The following P2RY8 variants were observed in gnomAD, a reference collection of about 807,000 sequenced individuals.
P2RY8 encodes the protein P2Y receptor family member 8, also known as S-geranylgeranyl-glutathione receptor P2RY8.
In P2RY8, 6 loss-of-function variants were observed where a neutral mutation model predicts 10.0. That is an observed-to-expected ratio of 0.60 (90% CI 0.33 to 1.19). P2RY8 has a LOEUF of 1.19. Among genes scored for constraint, P2RY8 ranks in the 50% most tolerant of loss-of-function variants. P2RY8 has a pLI of 0.04. For missense variants in P2RY8, 456 were observed against 542.0 expected, an observed-to-expected ratio of 0.84 and a Z score of 1.58; for synonymous variants, 276 against 252.5, an observed-to-expected ratio of 1.09 and a Z score of -0.88.
At chrX:1,468,396 G>C (rs2091722727) in intron 1 of P2RY8, among the ~76,000 whole-genome samples, 2 of 152,214 alleles carry the variant, frequency 1.3e-5, no homozygotes, top group Non-Finnish European at 2.9e-5. Context: ...TTGGCAGCCA[G>C]ATCTGTTGCC....
chrX:1,516,553 A>G (rs1405745250), intron 1 of P2RY8, among the ~76,000 whole-genome samples: 1 of 150,116 alleles, frequency 6.7e-6, no homozygotes, highest in African/African-American at 2.5e-5. Flanking sequence ...AGACACACAC[A>G]GAGGGATGAT....
chrX:1,506,682 CTTT>C (rs765827943), intron 1 of P2RY8, among the ~76,000 whole-genome samples: 1 of 145,108 alleles, frequency 6.9e-6, no homozygotes. Context: ...TTCTTTCTTT[CTTT>C]TTTTTTTTTT....
rs781025216 is a variant in P2RY8, at chrX:1,510,458, A to G, written c.-25+26463T>C. On this transcript the variant is annotated intron_variant, in intron 1 of 1. Transcript: ENST00000381297. ...TCACGGATCCCCTGCTCCACCAGCC[A>G]TAACTACAACTTTGATCGCACAAGA... Among the ~76,000 whole-genome samples the G allele has an allele frequency of 8.5e-5, 13 of 152,332 alleles. No individual in the cohort carries two copies. The South Asian group carries it at 2.3e-3, about 27-fold the overall frequency.
intron 1 of P2RY8, among the ~76,000 whole-genome samples, chrX:1,527,985 T>G (rs1199948478): frequency 6.6e-6 from 1 of 152,212 alleles, no homozygotes; most frequent in East Asian, 1.9e-4. Context: ...GGGTATCTCC[T>G]GTTTCTATTC....
chrX:1,535,316 T>C (rs2092516034), intron 1 of P2RY8, among the ~76,000 whole-genome samples: 1 of 148,620 alleles, frequency 6.7e-6, no homozygotes, highest in Admixed American at 6.9e-5. Context: ...GCGTGCCGAG[T>C]AACTGGGATG....
In P2RY8 at chrX:1,465,674, A is replaced by C; in HGVS notation, c.885T>G (p.Phe295Leu). 2 of 1,613,646 alleles carry C rather than the reference A, an allele frequency of 1.2e-6. No individual in the cohort carries two copies. Among genetic ancestry groups the C allele is most frequent in the Non-Finnish European group, 1.7e-6 (2 of 1,179,842 alleles). Residue 295 changes from phenylalanine to leucine, a missense_variant, in exon 2 of 2, where the codon TTT becomes TTG. Transcript: ENST00000381297. ...GGCGCAGCTGGAATTCCCGGGACGC[A>C]AAGTAATAAACAAACGGGTCCAGAC... is the stretch of plus-strand genomic sequence containing the variant. ...NNCLDPFVYY[F>L]ASREFQLRLR...
Position 1,465,736 on chromosome X carries a change from A to G in P2RY8, c.823T>C (p.Tyr275His). 1 of 1,613,706 alleles carries G rather than the reference A, an allele frequency of 6.2e-7. No homozygotes were observed. The highest frequency in any genetic ancestry group is 8.5e-7 in the Non-Finnish European group (1 of 1,179,838). The change falls in exon 2 of 2, where the codon TAC becomes CAC. Residue 275 changes from tyrosine (Y) to histidine (H), a missense_variant. Physicochemically the swap from Tyr to His is moderately conservative, Grantham distance 83 (BLOSUM62 2). Transcript: ENST00000381297. ...CAGCTGAGACACAGCGTGAGCTTGT[A>G]CACGTGGTAGTAGCTCTTGCCGTAG... ...LFYGKSYYHVYKLTLCLSCLN... is the reference protein window; with the variant it reads ...LFYGKSYYHVHKLTLCLSCLN...
chrX:1,468,230 C>A (rs1198026405), intron 1 of P2RY8, among the ~76,000 whole-genome samples: 3 of 152,234 alleles, frequency 2.0e-5, no homozygotes, highest in African/African-American at 7.2e-5. Flanking sequence ...GAGCAACACA[C>A]CTGGGCTGGA....
intron 1 of P2RY8, among the ~76,000 whole-genome samples, chrX:1,515,722 TACTC>T (rs1454687130): frequency 6.6e-6 from 1 of 152,042 alleles, no homozygotes; most frequent in Non-Finnish European, 1.5e-5. Flanking sequence ...CTCTGGCTCT[TACTC>T]ACTGCTATTG....
intron 1 of P2RY8, among the ~76,000 whole-genome samples, chrX:1,493,422 AAGGAGGAGGGAGGGAAGG>A (rs1267299593): frequency 1.3e-4 from 5 of 39,534 alleles, no homozygotes; most frequent in Admixed American, 3.4e-4. Context: ...AGGAAGGAGG[AAGGAGGAGGGAGGGAAGG>A]AGGAGGAAGG....
intron 1 of P2RY8, among the ~76,000 whole-genome samples, chrX:1,490,868 T>C (rs1452026906): frequency 1.4e-5 from 2 of 141,822 alleles, no homozygotes; most frequent in African/African-American, 2.7e-5. Context: ...CTTCTGCAAA[T>C]GTAGAGAGAA....
intron 1 of P2RY8, among the ~76,000 whole-genome samples, chrX:1,484,699 G>T (rs1157799021): frequency 3.9e-5 from 5 of 128,448 alleles, no homozygotes; most frequent in African/African-American, 1.2e-4. Flanking sequence ...CTGCACTCCA[G>T]CCTGCGTGAC....
intron 1 of P2RY8, among the ~76,000 whole-genome samples, chrX:1,515,281 ACAGCATG>A (rs1337410437): frequency 6.6e-6 from 1 of 152,044 alleles, no homozygotes; most frequent in Non-Finnish European, 1.5e-5. Flanking sequence ...TAGAATTCCT[ACAGCATG>A]CAATTCACCC....
intron 1 of P2RY8, among the ~76,000 whole-genome samples, chrX:1,510,773 G>A (rs1439983264): frequency 1.3e-5 from 2 of 152,148 alleles, no homozygotes; most frequent in Non-Finnish European, 2.9e-5. Context: ...AAGCTACTCA[G>A]TAGGCTGAGG....
intron 1 of P2RY8, among the ~76,000 whole-genome samples, chrX:1,468,680 C>T (rs1363482607): frequency 7.3e-5 from 11 of 151,408 alleles, no homozygotes; most frequent in Admixed American, 3.9e-4. Flanking sequence ...TCTGAAGCAA[C>T]GGACAGACCA....
At chrX:1,467,733 G>A (rs2091709380) in intron 1 of P2RY8, among the ~76,000 whole-genome samples, 1 of 152,200 alleles carries the variant, frequency 6.6e-6, no homozygotes, top group Non-Finnish European at 1.5e-5. Context: ...CTGGAGGGCA[G>A]TAGTGCAAAC....
intron 1 of P2RY8, among the ~76,000 whole-genome samples, chrX:1,467,967 C>A (rs1367813206): frequency 6.6e-6 from 1 of 150,908 alleles, no homozygotes; most frequent in African/African-American, 2.4e-5. Context: ...GTGACAGTAC[C>A]TCCGTGCCCA....
In P2RY8 at chrX:1,465,188, G is replaced by A; in HGVS notation, c.*291C>T. ...AAATTAGCCGGGCGTGGTGACACAAGCTGTCCCCTGACACAGAGAGGCAGA... is the reference window on the plus strand; with the variant it reads ...AAATTAGCCGGGCGTGGTGACACAAACTGTCCCCTGACACAGAGAGGCAGA... On this transcript the variant is annotated 3_prime_UTR_variant, in exon 2 of 2. Transcript: ENST00000381297. The A allele has an allele frequency of 4.1e-6, 2 of 492,106 alleles. No homozygotes were observed. The highest frequency in any genetic ancestry group is 7.1e-6 in the Non-Finnish European group (2 of 280,920). 30.5% of individuals were successfully genotyped at this position (492,106 alleles called of 1,614,324 possible).
intron 1 of P2RY8, among the ~76,000 whole-genome samples, chrX:1,508,301 G>T (rs1387618141): frequency 6.6e-6 from 1 of 152,130 alleles, no homozygotes; most frequent in African/African-American, 2.4e-5. Context: ...GTCCCCAGGG[G>T]ACGCTGGGCA....
Sources: allele counts gnomAD v4.1 joint callset (sites outside exome capture counted in the v4.1 genomes callset), GRCh38; gene constraint gnomAD v4.1.1; transcripts MANE v1.5; gene names NCBI Gene and HGNC (gene_info 2026-07-23, HGNC 2026-07-21).